RBFOX1: variants seen among roughly 807,000 people sequenced by gnomAD.
RBFOX1 encodes RNA binding fox-1 homolog 1.
RBFOX1 carries 8 observed loss-of-function variants against 57.7 expected under a neutral mutation model. The ratio of observed to expected loss-of-function variants is 0.14; its 90% CI spans 0.08 to 0.25. The LOEUF (loss-of-function observed/expected upper bound fraction) is 0.25. Ranked by LOEUF, RBFOX1 falls within the 10% of genes least tolerant of loss-of-function variation. RBFOX1 has a pLI of 1.00. For synonymous variants in RBFOX1, 326 were observed against 222.4 expected (o/e 1.47, Z -4.15); for missense variants, 611 against 548.5 (o/e 1.11, Z -1.14).
intron 1 of RBFOX1, among the ~76,000 whole-genome samples, chr16:5,381,071 C>T (rs1015852359): frequency 3.3e-5 from 5 of 152,106 alleles, no homozygotes; most frequent in Admixed American, 2.0e-4. Flanking sequence ...GTCATTTACA[C>T]CATAGTGTGA....
chr16:6,545,834 G>A (rs1425945305), intron 2 of RBFOX1, among the ~76,000 whole-genome samples: 2 of 152,166 alleles, frequency 1.3e-5, no homozygotes, highest in African/African-American at 4.8e-5. Context: ...AGCCCACTCT[G>A]GTGAAAACTT....
At chr16:7,179,896 A>T (rs2082362545) in intron 4 of RBFOX1, among the ~76,000 whole-genome samples, 1 of 150,808 alleles carries the variant, frequency 6.6e-6, no homozygotes, top group Non-Finnish European at 1.5e-5. Flanking sequence ...CACCACGTCC[A>T]GCTAATTTTT....
intron 3 of RBFOX1, among the ~76,000 whole-genome samples, chr16:6,867,766 T>C (rs190354410): frequency 6.6e-6 from 1 of 152,208 alleles, no homozygotes; most frequent in Non-Finnish European, 1.5e-5. Flanking sequence ...GAATTACCCA[T>C]GGCATCATTA....
rs77705903 is a variant in RBFOX1 at position 5,554,294 on chromosome 16, A to G, written c.259-44608A>G. ...CCTTTTTCTATGTATTCTATTGACA[A>G]TAATGACCTAAAAGCATAAAACCTA... is the stretch of plus-strand genomic sequence containing the variant. On this transcript the variant is annotated intron_variant, in intron 2 of 2. Coordinates refer to the RBFOX1 transcript ENST00000585867. Among the ~76,000 whole-genome samples, 1,421 of 152,276 alleles carry G rather than the reference A, an allele frequency of 9.3e-3. 20 individuals carry two copies. The highest frequency in any genetic ancestry group is 0.031 in the African/African-American group (1,295 of 41,554).
chr16:6,562,902 T>C (rs1402692527), intron 2 of RBFOX1, among the ~76,000 whole-genome samples: 1 of 121,234 alleles, frequency 8.2e-6, no homozygotes, highest in Admixed American at 8.1e-5. Flanking sequence ...TTTTTTTGCA[T>C]AGTTGTTACT....
At chr16:6,176,075 T>A (rs2097004961) in intron 1 of RBFOX1, among the ~76,000 whole-genome samples, 2 of 152,164 alleles carry the variant, frequency 1.3e-5, no homozygotes, top group African/African-American at 4.8e-5. Flanking sequence ...TTCATAGTGA[T>A]GGGCTTAATT....
intron 4 of RBFOX1, among the ~76,000 whole-genome samples, chr16:5,899,514 G>C (rs1410597772): frequency 6.6e-6 from 1 of 152,208 alleles, no homozygotes; most frequent in Non-Finnish European, 1.5e-5. Flanking sequence ...TAGCTAGGAA[G>C]AGTGGGGCCA....
intron 2 of RBFOX1, among the ~76,000 whole-genome samples, chr16:6,397,208 A>G (rs998366517): frequency 6.6e-6 from 1 of 152,204 alleles, no homozygotes; most frequent in Non-Finnish European, 1.5e-5. Flanking sequence ...CAAAATATAA[A>G]GACAAGCACA....
intron 4 of RBFOX1, among the ~76,000 whole-genome samples, chr16:7,207,240 C>T (rs909566804): frequency 3.9e-5 from 6 of 152,078 alleles, no homozygotes; most frequent in Admixed American, 1.3e-4. Context: ...CATCATTGGC[C>T]GGGCGTTATG....
chr16:6,845,335 C>G (rs985478152), intron 3 of RBFOX1, among the ~76,000 whole-genome samples: 11 of 151,044 alleles, frequency 7.3e-5, no homozygotes, highest in Admixed American at 1.3e-4. Context: ...ACTCTTTAAT[C>G]TTTCTTGAGT....
intron 3 of RBFOX1, among the ~76,000 whole-genome samples, chr16:6,967,036 A>C (rs967663493): frequency 6.6e-6 from 1 of 152,058 alleles, no homozygotes; most frequent in Non-Finnish European, 1.5e-5. Context: ...ACTTATCTGT[A>C]CGTGCATCCA....
chr16:6,633,064 T>C (rs997171164), intron 2 of RBFOX1, among the ~76,000 whole-genome samples: 18 of 152,186 alleles, frequency 1.2e-4, no homozygotes, highest in Admixed American at 2.6e-4. Flanking sequence ...AGCTGGCTTC[T>C]TCCTGGGACA....
chr16:6,566,306 A>G (rs1277650157), intron 2 of RBFOX1, among the ~76,000 whole-genome samples: 2 of 148,992 alleles, frequency 1.3e-5, no homozygotes, highest in Non-Finnish European at 2.9e-5. Flanking sequence ...GCCTAATTGC[A>G]CCTCGATTCT....
chr16:7,018,527 G>T (rs1055259635), intron 3 of RBFOX1, among the ~76,000 whole-genome samples: 4 of 152,060 alleles, frequency 2.6e-5, no homozygotes, highest in South Asian at 2.1e-4. Context: ...GATTAGTGCC[G>T]CAGTAAACAT....
At chr16:6,813,301 C>T (rs111601516) in intron 3 of RBFOX1, among the ~76,000 whole-genome samples, 181 of 152,298 alleles carry the variant, frequency 1.2e-3, no homozygotes, top group African/African-American at 4.1e-3. Context: ...TTCCATGAAA[C>T]AACCCTCTTC....
intron 3 of RBFOX1, among the ~76,000 whole-genome samples, chr16:6,912,564 T>A (rs1000782599): frequency 3.3e-5 from 5 of 152,104 alleles, no homozygotes; most frequent in African/African-American, 1.2e-4. Flanking sequence ...TCTCTTTGTT[T>A]CTTTTACTTT....
intron 1 of RBFOX1, among the ~76,000 whole-genome samples, chr16:5,349,117 A>G (rs1332597594): frequency 6.6e-6 from 1 of 152,234 alleles, no homozygotes; most frequent in Non-Finnish European, 1.5e-5. Context: ...CTTAAAAAAG[A>G]AAGAAATCCC....
intron 5 of RBFOX1, among the ~76,000 whole-genome samples, chr16:7,544,604 A>T (rs1215564980): frequency 2.6e-5 from 4 of 152,128 alleles, no homozygotes; most frequent in African/African-American, 9.7e-5. Flanking sequence ...CTAGGAAAGA[A>T]GCAAGGACGG....
At chr16:6,654,044 G>A (rs1463011157) in intron 2 of RBFOX1, among the ~76,000 whole-genome samples, 1 of 151,184 alleles carries the variant, frequency 6.6e-6, no homozygotes, top group African/African-American at 2.4e-5. Context: ...GGATAGATGG[G>A]TGGATGGATA....
Sources: gnomAD v4.1 joint callset for allele counts (sites outside exome capture counted in the v4.1 genomes callset) on GRCh38, gnomAD v4.1.1 for gene constraint, MANE v1.5 for transcripts, NCBI Gene and HGNC (gene_info 2026-07-23, HGNC 2026-07-21) for gene names.